Variants in CHST8 observed in about 807,000 individuals in gnomAD.
The protein encoded by CHST8 is GALNAC-4-ST1.
A neutral mutation model predicts 15.0 loss-of-function variants in CHST8; 10 were observed. The observed-to-expected ratio is 0.67, with a 90% CI of 0.41 to 1.13. CHST8 has a LOEUF of 1.13. CHST8 is among the 50% of genes most tolerant of loss of function. CHST8 has a pLI of 0.00. For missense variants in CHST8, 634 were observed against 608.2 expected, an observed-to-expected ratio of 1.04 and a Z score of -0.45; for synonymous variants, 259 against 256.6, an observed-to-expected ratio of 1.01 and a Z score of -0.09.
At chr19:33,667,977 T>A (rs1374952938) in intron 2 of CHST8, 134 bp downstream of exon 2, 1 of 152,134 alleles carries the variant, frequency 6.6e-6, no homozygotes, top group African/African-American at 2.4e-5. Context: ...TGCCCTTGTG[T>A]CGGGGGAAAA....
rs1413251383 is a variant in CHST8 at position 33,773,447 on chromosome 19, A to G, written c.*384A>G. 2.3e-5 allele frequency: 5 copies of G among 214,846 alleles called. No individual in the cohort carries two copies. Among genetic ancestry groups the G allele is most frequent in the Non-Finnish European group, 4.7e-5 (5 of 107,334 alleles). 13.3% of individuals were successfully genotyped at this position (214,846 alleles called of 1,614,324 possible). ...AAACCACGTGGTTTGCAGCTTTTCT[A>G]CGAGCCAGGGGGGAGGTTCCCTTGG... On this transcript the variant is annotated 3_prime_UTR_variant, in exon 5 of 5. Transcript: ENST00000650847.
rs190451423 is a variant in CHST8 at position 33,635,681 on chromosome 19, C to T, written c.-164+13385C>T. On this transcript the variant is annotated intron_variant, in intron 1 of 4. Coordinates refer to ENST00000650847, the MANE Select transcript of CHST8 (RefSeq NM_001127895.2). ...CTGAGGGCCAGCAGTGGAAAAAATG[C>T]GGGCTTAGTTCCCCGGAGATACTGC... Among the ~76,000 whole-genome samples the T allele has an allele frequency of 1.8e-4, 27 of 152,248 alleles. No homozygotes were observed. The East Asian group carries it at 3.7e-3, about 21-fold the overall frequency.
intron 3 of CHST8, among the ~76,000 whole-genome samples, chr19:33,763,701 G>A (rs1194395849): frequency 2.6e-5 from 4 of 152,230 alleles, no homozygotes; most frequent in African/African-American, 7.2e-5. Context: ...CAGGCTGCCC[G>A]CTCATTGCTG....
intron 3 of CHST8, among the ~76,000 whole-genome samples, chr19:33,721,778 G>A (rs560529211): frequency 3.6e-4 from 55 of 151,718 alleles, no homozygotes; most frequent in African/African-American, 1.3e-3. Flanking sequence ...AGATGGGTAG[G>A]TGAGTGGGCA....
At chr19:33,651,930 T>C (rs1972453880) in intron 1 of CHST8, among the ~76,000 whole-genome samples, 1 of 152,188 alleles carries the variant, frequency 6.6e-6, no homozygotes, top group Non-Finnish European at 1.5e-5. Context: ...CTCAGTCTTG[T>C]ATATTGTTTG....
intron 1 of CHST8, among the ~76,000 whole-genome samples, chr19:33,628,112 T>G: frequency 6.7e-6 from 1 of 150,196 alleles, no homozygotes; most frequent in African/African-American, 2.5e-5. Flanking sequence ...GAAGGAGGAG[T>G]GGGAACTAAG....
intron 3 of CHST8, among the ~76,000 whole-genome samples, chr19:33,721,979 G>C (rs551309822): frequency 6.7e-5 from 10 of 148,988 alleles, no homozygotes; most frequent in South Asian, 2.2e-4. Context: ...ATGGATGGCT[G>C]TTTGGATGGA....
chr19:33,739,330 T>A (rs544432266), intron 3 of CHST8, among the ~76,000 whole-genome samples: 2 of 152,098 alleles, frequency 1.3e-5, no homozygotes, highest in Non-Finnish European at 2.9e-5. Context: ...CAGCACAACA[T>A]CCCCTGCCCT....
intron 3 of CHST8, among the ~76,000 whole-genome samples, chr19:33,743,752 A>G (rs1974252560): frequency 2.0e-5 from 3 of 151,088 alleles, no homozygotes; most frequent in Admixed American, 1.3e-4. Flanking sequence ...TCCCTTATCA[A>G]TTACTGCTCT....
chr19:33,773,282 C>A lies in CHST8; in HGVS notation c.*219C>A. On this transcript the variant is annotated 3_prime_UTR_variant, in exon 5 of 5. Transcript: ENST00000650847. Reference sequence around the variant, plus strand: ...CTGTACCTGTTTCCTCATTCCTTGGCTGAGGGAGAGGCTGAGAACTGGGCA... The same window carrying A: ...CTGTACCTGTTTCCTCATTCCTTGGATGAGGGAGAGGCTGAGAACTGGGCA... 1.7e-6 allele frequency: 1 copy of A among 587,028 alleles called. No homozygotes were observed. Among genetic ancestry groups the A allele is most frequent in the Non-Finnish European group, 3.0e-6 (1 of 336,300 alleles). The allele number at this position is 587,028 out of a possible 1,614,324, so 36.4% of individuals were successfully genotyped here. A position where few individuals can be genotyped will look rare whatever the true frequency, so the allele number is the denominator to read the frequency against.
intron 3 of CHST8, among the ~76,000 whole-genome samples, chr19:33,716,370 T>G (rs1270596058): frequency 6.6e-6 from 1 of 152,154 alleles, no homozygotes; most frequent in African/African-American, 2.4e-5. Flanking sequence ...ATGTGATTGA[T>G]TTTGTTTTGT....
At chr19:33,636,195 T>C (rs986143307) in intron 1 of CHST8, among the ~76,000 whole-genome samples, 6 of 152,138 alleles carry the variant, frequency 3.9e-5, no homozygotes, top group Non-Finnish European at 8.8e-5. Flanking sequence ...GATGCTAATT[T>C]GATGCGGCAG....
chr19:33,659,806 GT>G (rs1972562473), intron 1 of CHST8, among the ~76,000 whole-genome samples: 1 of 151,658 alleles, frequency 6.6e-6, no homozygotes, highest in African/African-American at 2.4e-5. Context: ...GCAAGACCCT[GT>G]TTAAAAAAAA....
At chr19:33,719,021 G>A (rs962999653) in intron 3 of CHST8, among the ~76,000 whole-genome samples, 7 of 152,096 alleles carry the variant, frequency 4.6e-5, no homozygotes, top group South Asian at 2.1e-4. Context: ...GCTTCCACCC[G>A]AGACCTGGGC....
intron 3 of CHST8, among the ~76,000 whole-genome samples, chr19:33,726,892 T>G: frequency 6.6e-6 from 1 of 151,806 alleles, no homozygotes; most frequent in East Asian, 1.9e-4. Flanking sequence ...CAGCTGCTCC[T>G]GCTCCCCCAC....
intron 1 of CHST8, among the ~76,000 whole-genome samples, chr19:33,663,715 C>T (rs2145224357): frequency 6.6e-6 from 1 of 152,136 alleles, no homozygotes; most frequent in East Asian, 1.9e-4. Flanking sequence ...TATAAAAATA[C>T]AAAAATTAGC....
At chr19:33,629,750 C>G (rs1480640791) in intron 1 of CHST8, among the ~76,000 whole-genome samples, 4 of 152,258 alleles carry the variant, frequency 2.6e-5, no homozygotes, top group Non-Finnish European at 5.9e-5. Flanking sequence ...CTGGGCCAGA[C>G]TCGGGGACAG....
chr19:33,683,299 C>T (rs1030235186), intron 2 of CHST8, among the ~76,000 whole-genome samples: 1 of 152,190 alleles, frequency 6.6e-6, no homozygotes, highest in Non-Finnish European at 1.5e-5. Context: ...GTAAACATTG[C>T]ACCTGTTAAT....
At chr19:33,657,160 C>A (rs147320255) in intron 1 of CHST8, among the ~76,000 whole-genome samples, 9 of 148,882 alleles carry the variant, frequency 6.0e-5, no homozygotes, top group Admixed American at 4.0e-4. Flanking sequence ...CACACACAAA[C>A]ACACATATAC....
Sources: gnomAD v4.1 joint callset for allele counts (sites outside exome capture counted in the v4.1 genomes callset) on GRCh38, gnomAD v4.1.1 for gene constraint, MANE v1.5 for transcripts, NCBI Gene and HGNC (gene_info 2026-07-23, HGNC 2026-07-21) for gene names.